KLHL26: variants seen among roughly 807,000 people sequenced by gnomAD.
KLHL26 encodes the protein kelch like family member 26.
A neutral mutation model predicts 7.1 loss-of-function variants in KLHL26; 4 were observed. That is an observed-to-expected ratio of 0.56 (90% CI 0.28 to 1.28). KLHL26 has a LOEUF of 1.28. KLHL26 is among the 50% of genes most tolerant of loss of function. The probability of loss-of-function intolerance (pLI) is 0.11; values close to 1 mark genes in which losing one functional copy is unlikely to be tolerated. For missense variants in KLHL26, 896 were observed against 924.6 expected (o/e 0.97, Z 0.40); for synonymous variants, 465 against 414.1 (o/e 1.12, Z -1.49).
chr19:18,660,312 G>A (rs1192136301), intron 1 of KLHL26, among the ~76,000 whole-genome samples: 2 of 152,220 alleles, frequency 1.3e-5, no homozygotes, highest in East Asian at 1.9e-4. Flanking sequence ...GGCCAGGCCT[G>A]TAGCGGGGGC....
chr19:18,639,403 G>GTTTTCT (rs754775329), intron 1 of KLHL26, among the ~76,000 whole-genome samples: 2 of 71,230 alleles, frequency 2.8e-5, no homozygotes, highest in Admixed American at 1.7e-4. Flanking sequence ...TTATCATTAA[G>GTTTTCT]TTTTTTTTTT....
Position 18,646,413 on chromosome 19 carries a change from C to T in KLHL26, c.83+9276C>T, listed in dbSNP as rs965499296. On this transcript the variant is annotated intron_variant, in intron 1 of 2. Transcript: ENST00000300976. The surrounding 1 kb of genome is among the most constrained non-coding windows in gnomAD (Gnocchi z 5.0). ...CTGGGATTACAGGCATGAGCCAGTG[C>T]GCCCGGCCTCATGCCCCTTTCAGAA... 2.0e-5 allele frequency among the ~76,000 whole-genome samples: 3 copies of T among 152,218 alleles called. No individual in the cohort carries two copies. The highest frequency in any genetic ancestry group is 4.8e-5 in the African/African-American group (2 of 41,452).
rs1976843827 is a variant in KLHL26, at chr19:18,648,424, GCA to G, written c.83+11291_83+11292del. ...AGGTGGGCCCTGGAGGGATGGAGAG[GCA>G]CACGCAGGCTTGGGGATGCCTGGAG... On this transcript the variant is annotated intron_variant, in intron 1 of 2. Coordinates refer to ENST00000300976, the MANE Select transcript of KLHL26 (RefSeq NM_018316.3). This position sits in a 1 kb window ranked among gnomAD's most constrained non-coding sequence, Gnocchi z 4.9. Among the ~76,000 whole-genome samples, 1 of 152,160 alleles carries G rather than the reference GCA, an allele frequency of 6.6e-6. No homozygotes were observed. Among genetic ancestry groups the G allele is most frequent in the Non-Finnish European group, 1.5e-5 (1 of 68,022 alleles).
chr19:18,655,499 C>T (rs1431963480), intron 1 of KLHL26, among the ~76,000 whole-genome samples: 1 of 152,246 alleles, frequency 6.6e-6, no homozygotes, highest in Non-Finnish European at 1.5e-5. Flanking sequence ...AGTGGCCGAA[C>T]TTCTCTGTGC....
chr19:18,658,362 C>T (rs555479971), intron 1 of KLHL26, among the ~76,000 whole-genome samples: 5 of 151,994 alleles, frequency 3.3e-5, no homozygotes, highest in Non-Finnish European at 5.9e-5. Context: ...CTCTGGCACT[C>T]GAGCCCCACA....
chr19:18,638,875 A>T (rs535684582), intron 1 of KLHL26, among the ~76,000 whole-genome samples: 34 of 151,464 alleles, frequency 2.2e-4, no homozygotes, highest in African/African-American at 8.2e-4. Flanking sequence ...TAATTTTTAA[A>T]TTTTTTGTAA....
rs146332152 is a variant in KLHL26 at position 18,649,768 on chromosome 19, C to G, written c.83+12631C>G. Among the ~76,000 whole-genome samples, 1 of 152,208 alleles carries G rather than the reference C, an allele frequency of 6.6e-6. No homozygotes were observed. The highest frequency in any genetic ancestry group is 1.5e-5 in the Non-Finnish European group (1 of 68,036). ...TCCAGTCCCTTCCTGCCCCCCACCC[C>G]GCCCCTTCCACATGTCTCTCCGGAG... On this transcript the variant is annotated intron_variant, in intron 1 of 2. Transcript: ENST00000300976. The surrounding 1 kb of genome is among the most constrained non-coding windows in gnomAD (Gnocchi z 4.0).
In KLHL26 at chr19:18,668,893, TG is replaced by T. The variant is rs1308380926; in HGVS notation, c.1497del (p.Leu500TyrfsTer43). ...EFKAPMSEPR[V>X]LHAMVGAGGR... is the part of the protein sequence containing the mutation. ...AAGGCGCCCATGAGCGAACCCCGCG[TG>T]CTACACGCCATGGTGGGTGCCGGCG... On this transcript the variant is annotated frameshift_variant, in exon 3 of 3. Coordinates refer to ENST00000300976, the MANE Select transcript of KLHL26 (RefSeq NM_018316.3). LOFTEE classifies it low-confidence loss of function (END_TRUNC). 6.2e-7 allele frequency: 1 copy of T among 1,601,530 alleles called. No homozygotes were observed. Among genetic ancestry groups the T allele is most frequent in the Admixed American group, 1.7e-5 (1 of 59,914 alleles).
intron 1 of KLHL26, among the ~76,000 whole-genome samples, chr19:18,638,418 G>T (rs1313886583): frequency 6.6e-6 from 1 of 152,224 alleles, no homozygotes; most frequent in East Asian, 1.9e-4. Context: ...TGAGACTTAG[G>T]TCTGTGGGCA....
chr19:18,637,354 G>T (rs939475500), intron 1 of KLHL26, among the ~76,000 whole-genome samples: 2 of 152,154 alleles, frequency 1.3e-5, no homozygotes, highest in South Asian at 4.1e-4. Context: ...ACCTCGAGGC[G>T]TCTGCAGGCG....
At chr19:18,647,989 G>A (rs890649526) in intron 1 of KLHL26, among the ~76,000 whole-genome samples, 3 of 152,314 alleles carry the variant, frequency 2.0e-5, no homozygotes, top group East Asian at 3.9e-4. Context: ...AGAGAACGTC[G>A]TGCGGTCATT....
intron 1 of KLHL26, among the ~76,000 whole-genome samples, chr19:18,638,002 A>C (rs1044342717): frequency 6.6e-6 from 1 of 152,158 alleles, no homozygotes. Context: ...ATGTGTGTGC[A>C]TGCATTGTAT....
intron 1 of KLHL26, among the ~76,000 whole-genome samples, chr19:18,643,726 C>T (rs1976755317): frequency 6.6e-6 from 1 of 151,984 alleles, no homozygotes; most frequent in Admixed American, 6.6e-5. Context: ...TATCCGCCCA[C>T]CTTGGCCTCC....
intron 2 of KLHL26, chr19:18,667,426 G>C: frequency 1.7e-6 from 1 of 590,000 alleles, no homozygotes; most frequent in Non-Finnish European, 3.0e-6. Context: ...CAGTGGTCTC[G>C]ATCTCCTGAT....
rs1449649174 is a variant in KLHL26 at position 18,650,592 on chromosome 19, C to T, written c.83+13455C>T. On this transcript the variant is annotated intron_variant, in intron 1 of 2. Coordinates refer to ENST00000300976, the MANE Select transcript of KLHL26 (RefSeq NM_018316.3). The surrounding 1 kb of genome is among the most constrained non-coding windows in gnomAD (Gnocchi z 4.2). ...GTCGTGTGAAGCGGGGGGTCAGGAGCGCACAAATGTTTATACTCCACGTGA... is the reference window on the plus strand; with the variant it reads ...GTCGTGTGAAGCGGGGGGTCAGGAGTGCACAAATGTTTATACTCCACGTGA... 3.3e-5 allele frequency among the ~76,000 whole-genome samples: 5 copies of T among 152,148 alleles called. No individual in the cohort carries two copies. Among genetic ancestry groups the T allele is most frequent in the East Asian group, 1.9e-4 (1 of 5,196 alleles).
Position 18,668,848 on chromosome 19 carries a change from T to C in KLHL26, c.1451T>C (p.Val484Ala), listed in dbSNP as rs1222142150. The change falls in exon 3 of 3, where the codon GTG becomes GCG. Residue 484 changes from valine to alanine, a missense_variant. By Grantham distance (64) the Val-to-Ala change is moderately conservative. Transcript: ENST00000300976. Reference sequence around the variant, plus strand: ...AAGGCCCTGCACTGCTACGACCCCGTGGCCGACCAGTGGGAGTTCAAGGCG... The same window carrying C: ...AAGGCCCTGCACTGCTACGACCCCGCGGCCGACCAGTGGGAGTTCAAGGCG... ...DKKALHCYDP[V>A]ADQWEFKAPM... is the part of the protein sequence containing the mutation. 5.0e-6 allele frequency: 8 copies of C among 1,592,700 alleles called. No homozygotes were observed. The East Asian group carries it at 1.8e-4, about 36-fold the overall frequency.
Position 18,670,779 on chromosome 19 carries a change from T to G in KLHL26, c.*1534T>G, listed in dbSNP as rs927075157. On this transcript the variant is annotated 3_prime_UTR_variant, in exon 3 of 3. Coordinates refer to ENST00000300976, the MANE Select transcript of KLHL26 (RefSeq NM_018316.3). ...TGGAGTGCAGTGGCGTGATCTCGGC[T>G]CACTGCAACCTCTGCCTCCTGGGTT... The G allele has an allele frequency of 5.9e-5, 9 of 152,250 alleles. No homozygotes were observed. The highest frequency in any genetic ancestry group is 2.2e-4 in the African/African-American group (9 of 41,426). 9.4% of individuals were successfully genotyped at this position (152,250 alleles called of 1,614,324 possible). A position where few individuals can be genotyped will look rare whatever the true frequency, so the allele number is the denominator to read the frequency against.
intron 1 of KLHL26, among the ~76,000 whole-genome samples, chr19:18,644,268 C>T (rs1410608057): frequency 6.6e-6 from 1 of 152,182 alleles, no homozygotes; most frequent in African/African-American, 2.4e-5. Flanking sequence ...AGTAATATTC[C>T]ACTGTGTGGA....
chr19:18,660,099 G>C (rs2052377210), intron 1 of KLHL26, among the ~76,000 whole-genome samples: 1 of 152,190 alleles, frequency 6.6e-6, no homozygotes, highest in African/African-American at 2.4e-5. Context: ...TCCACCTGGG[G>C]GAGTTTACCC....
Sources: allele counts gnomAD v4.1 joint callset (sites outside exome capture counted in the v4.1 genomes callset), GRCh38; gene constraint gnomAD v4.1.1; non-coding constraint Gnocchi (gnomAD v3.1); transcripts MANE v1.5; gene names NCBI Gene and HGNC (gene_info 2026-07-23, HGNC 2026-07-21).